The following KCNIP4 variants were observed in gnomAD, a reference collection of about 807,000 sequenced individuals.
The protein encoded by KCNIP4 is Kv channel-interacting protein 4.
A neutral mutation model predicts 34.0 loss-of-function variants in KCNIP4; 12 were observed. That is an observed-to-expected ratio of 0.35 (90% CI 0.23 to 0.57). KCNIP4 has a LOEUF of 0.57. Among genes scored for constraint, KCNIP4 ranks in the 20% least tolerant of loss-of-function variants. The pLI is 0.83. For missense variants in KCNIP4, 238 were observed against 311.7 expected (o/e 0.76, Z 1.78); for synonymous variants, 124 against 102.2 (o/e 1.21, Z -1.29).
At chr4:21,467,073 AACACAC>A (rs33937973) in intron 1 of KCNIP4, among the ~76,000 whole-genome samples, 32,486 of 139,778 alleles carry the variant, frequency 0.23, 4,244 homozygotes, top group African/African-American at 0.38. Context: ...AACCAAAACA[AACACAC>A]ACACACACAC....
intron 3 of KCNIP4, among the ~76,000 whole-genome samples, chr4:20,839,259 G>A (rs112138123): frequency 3.3e-5 from 5 of 152,072 alleles, no homozygotes; most frequent in African/African-American, 1.2e-4. Context: ...CCAGTGCTTA[G>A]CATGTACCCA....
chr4:21,459,717 A>G (rs1577395073), intron 1 of KCNIP4, among the ~76,000 whole-genome samples: 2 of 151,980 alleles, frequency 1.3e-5, no homozygotes, highest in East Asian at 3.9e-4. Flanking sequence ...GTGAAGTCTT[A>G]TAATTAGTGA....
intron 1 of KCNIP4, among the ~76,000 whole-genome samples, chr4:21,857,836 G>A (rs567862530): frequency 1.3e-5 from 2 of 152,346 alleles, no homozygotes; most frequent in South Asian, 4.1e-4. Context: ...AACAGGGAGA[G>A]AAGGGCAGTG....
At chr4:21,092,629 T>G (rs1747098182) in intron 1 of KCNIP4, among the ~76,000 whole-genome samples, 1 of 145,808 alleles carries the variant, frequency 6.9e-6, no homozygotes. Flanking sequence ...AATATGCTCC[T>G]TCATAAGGGT....
Position 21,200,408 on chromosome 4 carries a change from G to A in KCNIP4, c.62-317699C>T, listed in dbSNP as rs1012550663. 3.5e-4 allele frequency among the ~76,000 whole-genome samples: 19 copies of A among 54,130 alleles called. 1 individual carries two copies. Among genetic ancestry groups the A allele is most frequent in the South Asian group, 2.5e-3 (3 of 1,184 alleles). 35.5% of individuals were successfully genotyped at this position (54,130 alleles called of 152,430 possible). ...TATATATATATATACATACATATAT[G>A]TGTGTATATATATACATTACATACA... On this transcript the variant is annotated intron_variant, in intron 1 of 8. Coordinates refer to ENST00000382152, the MANE Select transcript of KCNIP4 (RefSeq NM_025221.6).
intron 1 of KCNIP4, among the ~76,000 whole-genome samples, chr4:21,764,377 C>G (rs529487529): frequency 1.3e-5 from 2 of 152,102 alleles, no homozygotes; most frequent in East Asian, 3.9e-4. Flanking sequence ...AAGAAAAGTC[C>G]AACCAGAAAG....
chr4:20,933,627 G>A (rs1306115596), intron 1 of KCNIP4, among the ~76,000 whole-genome samples: 1 of 151,776 alleles, frequency 6.6e-6, no homozygotes, highest in Non-Finnish European at 1.5e-5. Flanking sequence ...CTCAGCATTA[G>A]TAAATGTTCA....
At chr4:20,761,304 C>A (rs1754937083) in intron 3 of KCNIP4, among the ~76,000 whole-genome samples, 1 of 152,180 alleles carries the variant, frequency 6.6e-6, no homozygotes, top group African/African-American at 2.4e-5. Flanking sequence ...TTTATACTCA[C>A]ACATCCTATT....
intron 1 of KCNIP4, among the ~76,000 whole-genome samples, chr4:20,918,703 C>T (rs1011485363): frequency 6.6e-6 from 1 of 152,168 alleles, no homozygotes; most frequent in Non-Finnish European, 1.5e-5. Context: ...TTCTCCTTTC[C>T]TCTCCTCCCT....
rs150249905 is a variant in KCNIP4 at position 20,975,220 on chromosome 4, GATTTT to G, written c.62-92516_62-92512del. On this transcript the variant is annotated intron_variant, in intron 1 of 8. Transcript: ENST00000382152. Reference sequence around the variant, plus strand: ...TTTTAAGAGAGTGTAGACTTAAGGTGATTTTATTTTATTTTTTAACATTTGTTCAT... The same window carrying G: ...TTTTAAGAGAGTGTAGACTTAAGGTGATTTTATTTTTTAACATTTGTTCAT... Among the ~76,000 whole-genome samples the G allele has an allele frequency of 6.5e-3, 983 of 152,228 alleles. 9 individuals carry two copies. The highest frequency in any genetic ancestry group is 0.022 in the African/African-American group (912 of 41,546).
intron 1 of KCNIP4, among the ~76,000 whole-genome samples, chr4:21,635,453 A>G (rs1746073155): frequency 6.6e-6 from 1 of 152,182 alleles, no homozygotes; most frequent in Non-Finnish European, 1.5e-5. Flanking sequence ...AAGAATCTGG[A>G]AAGATCCATC....
intron 1 of KCNIP4, among the ~76,000 whole-genome samples, chr4:21,865,549 G>A (rs528322910): frequency 6.6e-6 from 1 of 152,010 alleles, no homozygotes; most frequent in South Asian, 2.1e-4. Context: ...TTATTTATTT[G>A]TTTATTTTTT....
intron 1 of KCNIP4, among the ~76,000 whole-genome samples, chr4:21,357,277 C>T (rs1320538297): frequency 6.6e-6 from 1 of 152,134 alleles, no homozygotes; most frequent in East Asian, 1.9e-4. Context: ...ATGACTAAAA[C>T]ACCAAAAGCA....
At chr4:21,267,345 T>A (rs1473954818) in intron 1 of KCNIP4, among the ~76,000 whole-genome samples, 1 of 146,204 alleles carries the variant, frequency 6.8e-6, no homozygotes, top group East Asian at 2.0e-4. Context: ...CCTGCATGAA[T>A]AAAGGTAGAT....
chr4:21,501,002 C>A (rs561058283), intron 1 of KCNIP4, among the ~76,000 whole-genome samples: 2 of 152,066 alleles, frequency 1.3e-5, no homozygotes, highest in Admixed American at 6.6e-5. Flanking sequence ...TTTTAAGACA[C>A]TTTTTTGGGA....
Position 21,504,446 on chromosome 4 carries a change from C to T in KCNIP4, c.61+444125G>A, listed in dbSNP as rs192565379. Among the ~76,000 whole-genome samples the T allele has an allele frequency of 7.6e-3, 580 of 76,182 alleles. 6 individuals carry two copies. Among genetic ancestry groups the T allele is most frequent in the African/African-American group, 0.03 (553 of 18,412 alleles). 50.0% of individuals were successfully genotyped at this position (76,182 alleles called of 152,430 possible). ...TCATGCCACTGCACTCCAGCCTGGG[C>T]AATAGAATGACTCCAACTCAAAAAA... On this transcript the variant is annotated intron_variant, in intron 1 of 8. Coordinates refer to ENST00000382152, the MANE Select transcript of KCNIP4 (RefSeq NM_025221.6).
chr4:20,753,880 CAG>C (rs1754059789), intron 4 of KCNIP4, among the ~76,000 whole-genome samples: 1 of 150,702 alleles, frequency 6.6e-6, no homozygotes, highest in Non-Finnish European at 1.5e-5. Flanking sequence ...TGTTTATTGA[CAG>C]ATTATTCTGA....
At chr4:21,127,633 C>A (rs562824131) in intron 1 of KCNIP4, among the ~76,000 whole-genome samples, 1 of 152,206 alleles carries the variant, frequency 6.6e-6, no homozygotes, top group Admixed American at 6.5e-5. Flanking sequence ...TAGAACCTAG[C>A]CCATAATAGG....
intron 1 of KCNIP4, among the ~76,000 whole-genome samples, chr4:21,048,944 C>CTTTTTTTTTTTTTTTTTTTTTTT (rs949548104): frequency 1.0e-5 from 1 of 96,050 alleles, no homozygotes; most frequent in African/African-American, 4.2e-5. Context: ...TTCTGTTTAT[C>CTTTTTTTTTTTTTTTTTTTTTTT]TTTTTTTTTT....
Sources: gnomAD v4.1 joint callset for allele counts (sites outside exome capture counted in the v4.1 genomes callset) on GRCh38, gnomAD v4.1.1 for gene constraint, MANE v1.5 for transcripts, NCBI Gene and HGNC (gene_info 2026-07-23, HGNC 2026-07-21) for gene names.